EML1: variants seen among roughly 807,000 people sequenced by gnomAD.
EML1 encodes the protein echinoderm microtubule-associated protein-like 1.
A neutral mutation model predicts 110.4 loss-of-function variants in EML1; 27 were observed. That is an observed-to-expected ratio of 0.24 (90% CI 0.18 to 0.34). EML1 has a LOEUF of 0.34. Ranked by LOEUF, EML1 falls within the 10% of genes least tolerant of loss-of-function variation. EML1 has a pLI of 1.00. For synonymous variants in EML1, 344 were observed against 385.8 expected (o/e 0.89, Z 1.27); for missense variants, 741 against 1,030.9 (o/e 0.72, Z 3.85).
chr14:99,857,173 A>G, intron 2 of EML1, among the ~76,000 whole-genome samples: 1 of 152,016 alleles, frequency 6.6e-6, no homozygotes, highest in Non-Finnish European at 1.5e-5. Context: ...GCTGGTGGCC[A>G]AGGCAGGAGG....
intron 1 of EML1, among the ~76,000 whole-genome samples, chr14:99,753,143 C>A (rs1207742403): frequency 1.3e-5 from 2 of 151,080 alleles, no homozygotes; most frequent in Non-Finnish European, 3.0e-5. Context: ...GAGGTTGATG[C>A]CTCATCCCGC....
intron 1 of EML1, among the ~76,000 whole-genome samples, chr14:99,809,289 C>T (rs1362285248): frequency 6.6e-6 from 1 of 152,098 alleles, no homozygotes; most frequent in Non-Finnish European, 1.5e-5. Flanking sequence ...CAAACTTTGA[C>T]CTTGTTCTTC....
At chr14:99,792,677 A>G (rs947432310), upstream of EML1, 6 of 152,286 alleles carry the variant, frequency 3.9e-5, no homozygotes, top group Non-Finnish European at 7.3e-5. Flanking sequence ...TAGAGAAACC[A>G]CAAAGCGATG....
At chr14:99,868,377 A>G (rs1193908625) in intron 3 of EML1, among the ~76,000 whole-genome samples, 1 of 152,192 alleles carries the variant, frequency 6.6e-6, no homozygotes, top group African/African-American at 2.4e-5. Flanking sequence ...GAAGAGTTTA[A>G]GGAGCATTGG....
At chr14:99,760,726 G>T (rs564083487) in intron 1 of EML1, among the ~76,000 whole-genome samples, 159 of 152,272 alleles carry the variant, frequency 1.0e-3, no homozygotes, top group African/African-American at 3.8e-3. Context: ...ATTAATCTCA[G>T]TCTCGTCAAG....
At chr14:99,797,959 A>G (rs1307490161) in intron 1 of EML1, among the ~76,000 whole-genome samples, 1 of 152,054 alleles carries the variant, frequency 6.6e-6, no homozygotes, top group Non-Finnish European at 1.5e-5. Context: ...CCTGTGGGGG[A>G]AGCTGGAAAG....
At chr14:99,836,440 A>C (rs1287144796) in intron 1 of EML1, among the ~76,000 whole-genome samples, 1 of 152,204 alleles carries the variant, frequency 6.6e-6, no homozygotes, top group Non-Finnish European at 1.5e-5. Context: ...CTACATAGAC[A>C]TTTATATCAT....
chr14:99,776,331 C>A (rs961061400), intron 1 of EML1, among the ~76,000 whole-genome samples: 83 of 152,126 alleles, frequency 5.5e-4, no homozygotes, highest in African/African-American at 1.9e-3. Context: ...GGTGAAACCC[C>A]GTCTCAACTA....
chr14:99,895,951 A>G (rs889052385), intron 6 of EML1, among the ~76,000 whole-genome samples: 1 of 152,108 alleles, frequency 6.6e-6, no homozygotes, highest in African/African-American at 2.4e-5. Flanking sequence ...ATCTGAATCA[A>G]CCATATAACT....
chr14:99,873,026 G>A (rs2059231088), intron 3 of EML1, among the ~76,000 whole-genome samples: 1 of 152,190 alleles, frequency 6.6e-6, no homozygotes, highest in Non-Finnish European at 1.5e-5. Flanking sequence ...GAATCCTTGG[G>A]AAAAGCTTTG....
chr14:99,793,812 C>A (rs12878141), intron 1 of EML1, among the ~76,000 whole-genome samples: 1 of 149,624 alleles, frequency 6.7e-6, no homozygotes, highest in South Asian at 2.1e-4. Context: ...GGCTCCAGCA[C>A]CCGCGGAGCG....
chr14:99,910,491 G>T, intron 12 of EML1, 150 bp downstream of exon 12: 1 of 600,032 alleles, frequency 1.7e-6, no homozygotes. Flanking sequence ...GTGTGCATGT[G>T]TAACTTGAAA....
chr14:99,762,321 C>A (rs2057322709), intron 1 of EML1, among the ~76,000 whole-genome samples: 1 of 151,720 alleles, frequency 6.6e-6, no homozygotes, highest in African/African-American at 2.4e-5. Context: ...TGAGGAATAT[C>A]CACAGTAAAC....
At chr14:99,836,991 A>ATGT (rs2058551239) in intron 1 of EML1, among the ~76,000 whole-genome samples, 1 of 141,554 alleles carries the variant, frequency 7.1e-6, no homozygotes, top group Admixed American at 7.1e-5. Flanking sequence ...AATTGTTCTA[A>ATGT]TTTTTTTTTT....
chr14:99,777,423 T>TTTTG (rs575229436), intron 1 of EML1, among the ~76,000 whole-genome samples: 9 of 152,134 alleles, frequency 5.9e-5, no homozygotes, highest in Admixed American at 1.3e-4. Context: ...TTTTGTTTCT[T>TTTTG]TTTGTTTGTT....
chr14:99,927,345 G>T (rs767655497), intron 17 of EML1, among the ~76,000 whole-genome samples: 1 of 152,128 alleles, frequency 6.6e-6, no homozygotes, highest in Non-Finnish European at 1.5e-5. Flanking sequence ...TTTGCTGAAT[G>T]CATCTTTGTG....
At chr14:99,863,474 G>C (rs1178808473) in intron 2 of EML1, among the ~76,000 whole-genome samples, 1 of 152,174 alleles carries the variant, frequency 6.6e-6, no homozygotes, top group Non-Finnish European at 1.5e-5. Context: ...TTACAGAATA[G>C]TTTTATCACC....
chr14:99,828,040 G>T (rs1311194779), intron 1 of EML1, among the ~76,000 whole-genome samples: 1 of 152,288 alleles, frequency 6.6e-6, no homozygotes, highest in East Asian at 1.9e-4. Flanking sequence ...ATAGATGTTT[G>T]AGAGTTAGAG....
At chr14:99,929,078 C>T (rs1187414422) in intron 17 of EML1, among the ~76,000 whole-genome samples, 1 of 152,206 alleles carries the variant, frequency 6.6e-6, no homozygotes, top group Non-Finnish European at 1.5e-5. Context: ...TGAGCAGGTC[C>T]ATTGGGAAAC....
Sources: gnomAD v4.1 joint callset for allele counts (sites outside exome capture counted in the v4.1 genomes callset) on GRCh38, gnomAD v4.1.1 for gene constraint, MANE v1.5 for transcripts, NCBI Gene and HGNC (gene_info 2026-07-23, HGNC 2026-07-21) for gene names.